LSM14A: variants seen among roughly 807,000 people sequenced by gnomAD.
The protein encoded by LSM14A is protein LSM14 homolog A.
In LSM14A, 14 loss-of-function variants were observed where a neutral mutation model predicts 52.4. The observed-to-expected ratio is 0.27, with a 90% CI of 0.18 to 0.42. The LOEUF (loss-of-function observed/expected upper bound fraction) is 0.42, where lower values mean the gene tolerates loss of function less well. Ranked by LOEUF, LSM14A falls within the 10% of genes least tolerant of loss-of-function variation. LSM14A has a pLI of 1.00. For synonymous variants in LSM14A, 185 were observed against 200.3 expected, an observed-to-expected ratio of 0.92 and a Z score of 0.64; for missense variants, 417 against 581.8, an observed-to-expected ratio of 0.72 and a Z score of 2.91.
At position 34,206,222 on chromosome 19, in the gene LSM14A, A is replaced by T. The variant is rs1161712386; in HGVS notation, c.416-2707A>T. On this transcript the variant is annotated intron_variant, in intron 3 of 9. Transcript: ENST00000544216. ...ACTAATCTTACACAAACTCTTTCAG[A>T]TAGCTATGCACCATGATGCATGCCT... 3.2e-4 allele frequency among the ~76,000 whole-genome samples: 49 copies of T among 152,188 alleles called. 1 individual carries two copies. Among genetic ancestry groups the T allele is most frequent in the Non-Finnish European group, 5.9e-5 (4 of 68,024 alleles).
At chr19:34,174,903 GA>G (rs1406045957) in intron 1 of LSM14A, among the ~76,000 whole-genome samples, 5 of 151,670 alleles carry the variant, frequency 3.3e-5, no homozygotes, top group Admixed American at 1.3e-4. Context: ...TCCTCACAAA[GA>G]AAAAAAATAC....
rs1393102644 is a variant in LSM14A at position 34,227,402 on chromosome 19, C to T, written c.*14C>T. 6.3e-7 allele frequency: 1 copy of T among 1,583,188 alleles called. No individual in the cohort carries two copies. Among genetic ancestry groups the T allele is most frequent in the Non-Finnish European group, 8.6e-7 (1 of 1,167,592 alleles). On this transcript the variant is annotated 3_prime_UTR_variant, in exon 10 of 10. Coordinates refer to ENST00000544216, the MANE Select transcript of LSM14A (RefSeq NM_015578.4). Reference sequence around the variant, plus strand: ...GTTGCTGCATAGTCTACAAACAAGTCTCTGAAAATAGGTGAATTTCTAGCT... The same window carrying T: ...GTTGCTGCATAGTCTACAAACAAGTTTCTGAAAATAGGTGAATTTCTAGCT...
At chr19:34,183,514 G>A (rs901288348) in intron 1 of LSM14A, among the ~76,000 whole-genome samples, 39 of 152,084 alleles carry the variant, frequency 2.6e-4, no homozygotes, top group African/African-American at 9.4e-4. Context: ...TCGTGCTATT[G>A]CACTCCAGTC....
In LSM14A at chr19:34,180,630, G is replaced by A. The variant is rs74832528; in HGVS notation, c.121+7867G>A. Among the ~76,000 whole-genome samples, 1,456 of 152,230 alleles carry A rather than the reference G, an allele frequency of 9.6e-3. 16 individuals carry two copies. The highest frequency in any genetic ancestry group is 0.015 in the Non-Finnish European group (1,031 of 68,016). ...TCATTCACACCTACTGTAGTCTACT[G>A]TCATCTTACTGCCTTTCACTGTCCT... On this transcript the variant is annotated intron_variant, in intron 1 of 9. Transcript: ENST00000544216.
chr19:34,198,254 A>T (rs1370820837), intron 3 of LSM14A, among the ~76,000 whole-genome samples: 2 of 152,196 alleles, frequency 1.3e-5, no homozygotes, highest in East Asian at 3.8e-4. Flanking sequence ...TTTTATACAG[A>T]TGTGACTTAA....
chr19:34,196,887 A>G (rs1315250483), intron 3 of LSM14A, 124 bp downstream of exon 3: 1 of 843,914 alleles, frequency 1.2e-6, no homozygotes, highest in Non-Finnish European at 1.8e-6. Context: ...ACTTTGTTTT[A>G]TGGTATTCAG....
At chr19:34,224,191 G>A (rs1420758407) in intron 9 of LSM14A, among the ~76,000 whole-genome samples, 2 of 152,130 alleles carry the variant, frequency 1.3e-5, no homozygotes, top group South Asian at 2.1e-4. Context: ...AATTAGCCGG[G>A]CGTGGTGGCA....
intron 3 of LSM14A, 188 bp from the exon 4 acceptor site, chr19:34,208,741 G>A: frequency 2.0e-6 from 1 of 491,450 alleles, no homozygotes; most frequent in South Asian, 3.3e-5. Flanking sequence ...CCCTTCCCCT[G>A]CCCTCCATAT....
At chr19:34,210,684 T>C (rs2072073201) in intron 4 of LSM14A, among the ~76,000 whole-genome samples, 1 of 152,146 alleles carries the variant, frequency 6.6e-6, no homozygotes, top group Non-Finnish European at 1.5e-5. Context: ...CACTGCAGCC[T>C]CTACCTCCTG....
intron 9 of LSM14A, among the ~76,000 whole-genome samples, chr19:34,224,569 GA>G (rs1472599626): frequency 6.6e-6 from 1 of 152,230 alleles, no homozygotes; most frequent in African/African-American, 2.4e-5. Context: ...TGCCAGGAGT[GA>G]TGGACTCAGC....
chr19:34,203,930 C>G (rs2071497877), intron 3 of LSM14A, among the ~76,000 whole-genome samples: 1 of 149,416 alleles, frequency 6.7e-6, no homozygotes, highest in African/African-American at 2.5e-5. Context: ...AAGACAAGGC[C>G]CAACTATATT....
chr19:34,208,191 C>T (rs1359308844), intron 3 of LSM14A: 1 of 152,124 alleles, frequency 6.6e-6, no homozygotes, highest in Non-Finnish European at 1.5e-5. Flanking sequence ...TAAAGAATCA[C>T]TCTGACTACC....
At chr19:34,192,812 T>TA (rs535601046) in intron 1 of LSM14A, among the ~76,000 whole-genome samples, 126 of 149,520 alleles carry the variant, frequency 8.4e-4, no homozygotes, top group East Asian at 2.4e-3. Flanking sequence ...CCATCTCCGC[T>TA]AAAAAAAAAT....
At chr19:34,187,203 C>T (rs533405992) in intron 1 of LSM14A, among the ~76,000 whole-genome samples, 2 of 150,936 alleles carry the variant, frequency 1.3e-5, no homozygotes, top group East Asian at 2.0e-4. Context: ...GAGACGAGAT[C>T]GCGCCACTGC....
chr19:34,187,768 A>G (rs1368596466), intron 1 of LSM14A, among the ~76,000 whole-genome samples: 1 of 152,190 alleles, frequency 6.6e-6, no homozygotes, highest in Non-Finnish European at 1.5e-5. Flanking sequence ...GATTTTATAT[A>G]CAAGTATTAT....
chr19:34,172,540 C>T lies in LSM14A; in HGVS notation c.-103C>T, dbSNP rs2068775413. 2 of 1,330,940 alleles carry T rather than the reference C, an allele frequency of 1.5e-6. No individual in the cohort carries two copies. The highest frequency in any genetic ancestry group is 2.0e-6 in the Non-Finnish European group (2 of 1,025,404). The allele number at this position is 1,330,940 out of a possible 1,614,324, so 82.4% of individuals were successfully genotyped here. ...CGCCGCCGCCATGTTGGGTCTGAAG[C>T]GGCTGCTGTAGGCGCCGACGGAGCG... On this transcript the variant is annotated 5_prime_UTR_variant, in exon 1 of 10. Transcript: ENST00000544216.
At chr19:34,176,268 A>G (rs1056502770) in intron 1 of LSM14A, among the ~76,000 whole-genome samples, 72 of 151,700 alleles carry the variant, frequency 4.7e-4, no homozygotes, top group Non-Finnish European at 8.1e-4. Context: ...CAGTCTTAGC[A>G]TTCTCTTTTG....
At chr19:34,226,541 C>A in intron 9 of LSM14A, 3 of 1,243,734 alleles carry the variant, frequency 2.4e-6, no homozygotes, top group Non-Finnish European at 3.3e-6. Flanking sequence ...TAGCTCATTG[C>A]TGTCAACTTA....
In LSM14A at chr19:34,208,973, G is replaced by T. The variant is rs930449095; in HGVS notation, c.460G>T (p.Gly154Cys). ...CTTTGGAACAGAAACATCAAACAGT[G>T]GTACCTTACCCCAAAGTAGTGCGGT... is the stretch of plus-strand genomic sequence containing the variant. The part of the protein sequence containing the change: ...TSFGTETSNS[G>C]TLPQSSAVGS... Residue 154 changes from glycine to cysteine, a missense_variant, in exon 4 of 10, where the codon GGT (glycine) becomes TGT (cysteine). By Grantham distance (159) the Gly-to-Cys change is radical (BLOSUM62 -3). Around this residue, in one of 2 missense-constraint regions of LSM14A, gnomAD observed 357 missense variants for 457.0 expected, o/e 0.78. Coordinates refer to ENST00000544216, the MANE Select transcript of LSM14A (RefSeq NM_015578.4). 3 of 1,610,802 alleles carry T rather than the reference G, an allele frequency of 1.9e-6. No homozygotes were observed. In the African/African-American group the frequency reaches 4.0e-5, roughly 22 times the overall value.
Sources: gnomAD v4.1 joint callset for allele counts (sites outside exome capture counted in the v4.1 genomes callset) on GRCh38, gnomAD v4.1.1 for gene constraint, gnomAD v4.1.1 regional missense constraint, MANE v1.5 for transcripts, NCBI Gene and HGNC (gene_info 2026-07-23, HGNC 2026-07-21) for gene names.